The following LYPD6B variants were observed in gnomAD, a reference collection of about 807,000 sequenced individuals.
LYPD6B encodes the protein ly6/PLAUR domain-containing protein 6B.
LYPD6B carries 17 observed loss-of-function variants against 22.8 expected under a neutral mutation model. The observed-to-expected ratio is 0.75, with a 90% CI of 0.51 to 1.12. The LOEUF (loss-of-function observed/expected upper bound fraction) is 1.12. LYPD6B is among the 50% of genes most tolerant of loss of function. LYPD6B has a pLI of 0.00. For missense variants in LYPD6B, 221 were observed against 258.3 expected (o/e 0.86, Z 0.99); for synonymous variants, 106 against 91.6 (o/e 1.16, Z -0.90).
chr2:149,050,799 C>T (rs1340346379), intron 1 of LYPD6B, among the ~76,000 whole-genome samples: 3 of 152,052 alleles, frequency 2.0e-5, no homozygotes, highest in South Asian at 2.1e-4. Context: ...CCAGGAAGCC[C>T]GGAGCTACAG....
chr2:149,100,315 G>A (rs2105482439), intron 1 of LYPD6B, among the ~76,000 whole-genome samples: 1 of 147,826 alleles, frequency 6.8e-6, no homozygotes, highest in South Asian at 2.2e-4. Context: ...TGGTTTGGGA[G>A]GATTATTTTT....
At chr2:149,050,749 G>C (rs1033549747) in intron 1 of LYPD6B, among the ~76,000 whole-genome samples, 2 of 152,230 alleles carry the variant, frequency 1.3e-5, no homozygotes, top group East Asian at 3.9e-4. Flanking sequence ...GGTCAAACAG[G>C]GGACACCTCT....
intron 1 of LYPD6B, among the ~76,000 whole-genome samples, chr2:149,044,363 G>A (rs1028427507): frequency 1.3e-5 from 2 of 151,948 alleles, no homozygotes; most frequent in Non-Finnish European, 2.9e-5. Context: ...TTTATACTTA[G>A]GTATTTCATT....
At chr2:149,109,098 AT>A (rs1205305069) in intron 1 of LYPD6B, among the ~76,000 whole-genome samples, 4 of 152,212 alleles carry the variant, frequency 2.6e-5, no homozygotes, top group African/African-American at 9.6e-5. Context: ...ATAAGAAAAA[AT>A]ATTACGCATT....
At chr2:149,147,982 G>A (rs1198323685) in intron 2 of LYPD6B, among the ~76,000 whole-genome samples, 1 of 150,604 alleles carries the variant, frequency 6.6e-6, no homozygotes, top group African/African-American at 2.5e-5. Context: ...TGAGCTATGG[G>A]TAGTTTCCAT....
intron 2 of LYPD6B, among the ~76,000 whole-genome samples, chr2:149,146,507 G>A (rs1689034824): frequency 6.6e-6 from 1 of 152,146 alleles, no homozygotes; most frequent in South Asian, 2.1e-4. Flanking sequence ...AGCAGGGCTG[G>A]GCCACGCCAG....
intron 1 of LYPD6B, among the ~76,000 whole-genome samples, chr2:149,112,437 TAAAC>T (rs1686803874): frequency 6.6e-6 from 1 of 152,144 alleles, no homozygotes; most frequent in Admixed American, 6.6e-5. Context: ...ACGTTTAGGT[TAAAC>T]AAACAAAAAG....
At chr2:149,203,932 T>A (rs146199984) in intron 3 of LYPD6B, among the ~76,000 whole-genome samples, 10 of 152,234 alleles carry the variant, frequency 6.6e-5, no homozygotes, top group Non-Finnish European at 1.2e-4. Context: ...CTAGAATCTA[T>A]GCATTATTGC....
chr2:149,088,666 G>A (rs1685509375), intron 1 of LYPD6B, among the ~76,000 whole-genome samples: 1 of 152,068 alleles, frequency 6.6e-6, no homozygotes, highest in Non-Finnish European at 1.5e-5. Context: ...TATCACAAAG[G>A]AATTCTAAGC....
intron 2 of LYPD6B, among the ~76,000 whole-genome samples, chr2:149,151,103 T>C (rs1381725792): frequency 6.6e-6 from 1 of 152,206 alleles, no homozygotes; most frequent in Non-Finnish European, 1.5e-5. Flanking sequence ...GCCCCACTTT[T>C]TCACGTGGGA....
chr2:149,052,143 G>A (rs889804588), intron 1 of LYPD6B, among the ~76,000 whole-genome samples: 2 of 151,772 alleles, frequency 1.3e-5, no homozygotes, highest in Middle Eastern at 3.4e-3. Flanking sequence ...TGCAACCTCC[G>A]CCTCCTGGGT....
chr2:149,110,450 C>A (rs577841307), intron 1 of LYPD6B, among the ~76,000 whole-genome samples: 51 of 151,956 alleles, frequency 3.4e-4, no homozygotes, highest in Admixed American at 1.4e-3. Flanking sequence ...TATTCTTGAA[C>A]CTTGTTTTAG....
chr2:149,092,057 G>A (rs1216377870), intron 1 of LYPD6B, among the ~76,000 whole-genome samples: 2 of 152,100 alleles, frequency 1.3e-5, no homozygotes, highest in Admixed American at 1.3e-4. Context: ...GAAGAGAGAG[G>A]GAGAGAGTAC....
chr2:149,041,458 A>G lies in LYPD6B; in HGVS notation c.-67+2657A>G, dbSNP rs541984798. ...AAAGTGGTCTAACGCTTACCCTGAA[A>G]CCAGTCATTGGCAAAGGAGAAGAGG... On this transcript the variant is annotated intron_variant, in intron 1 of 6. Coordinates refer to ENST00000409642, the MANE Select transcript of LYPD6B (RefSeq NM_177964.5). 3.9e-5 allele frequency among the ~76,000 whole-genome samples: 6 copies of G among 152,220 alleles called. No individual in the cohort carries two copies. In the East Asian group the frequency reaches 1.2e-3, roughly 29 times the overall value.
intron 1 of LYPD6B, among the ~76,000 whole-genome samples, chr2:149,058,055 A>G (rs1340221116): frequency 6.6e-6 from 1 of 152,246 alleles, no homozygotes; most frequent in Non-Finnish European, 1.5e-5. Flanking sequence ...ACTGGCAGCC[A>G]GGAACCTGAG....
intron 3 of LYPD6B, among the ~76,000 whole-genome samples, chr2:149,165,734 A>T (rs1401776112): frequency 6.6e-6 from 1 of 152,200 alleles, no homozygotes; most frequent in Non-Finnish European, 1.5e-5. Context: ...TAGACCTGGG[A>T]TTCCACTCCA....
chr2:149,153,774 A>G (rs1403585988), intron 2 of LYPD6B, among the ~76,000 whole-genome samples: 1 of 151,928 alleles, frequency 6.6e-6, no homozygotes, highest in African/African-American at 2.4e-5. Flanking sequence ...ACTCTGTCTC[A>G]AAAGAAAAAA....
chr2:149,101,470 A>G (rs1280655215), intron 1 of LYPD6B: 1 of 152,280 alleles, frequency 6.6e-6, no homozygotes. Flanking sequence ...GCTGCGGCTT[A>G]AGTAATGCTT....
intron 1 of LYPD6B, among the ~76,000 whole-genome samples, chr2:149,116,716 T>C (rs1687022797): frequency 6.6e-6 from 1 of 152,194 alleles, no homozygotes; most frequent in Non-Finnish European, 1.5e-5. Context: ...GTGCCTGACA[T>C]ATAATGGGCA....
Sources: gnomAD v4.1 joint callset for allele counts (sites outside exome capture counted in the v4.1 genomes callset) on GRCh38, gnomAD v4.1.1 for gene constraint, MANE v1.5 for transcripts, NCBI Gene and HGNC (gene_info 2026-07-23, HGNC 2026-07-21) for gene names.